Variants in ASIC2 observed in about 807,000 individuals in gnomAD.
ASIC2 encodes the protein acid sensing ion channel subunit 2.
A neutral mutation model predicts 57.3 loss-of-function variants in ASIC2; 25 were observed. The ratio of observed to expected loss-of-function variants is 0.44; its 90% CI spans 0.32 to 0.61. The LOEUF (loss-of-function observed/expected upper bound fraction) is 0.61. Ranked by LOEUF, ASIC2 falls within the 20% of genes least tolerant of loss-of-function variation. The probability of loss-of-function intolerance (pLI) is 0.06; values close to 1 mark genes in which losing one functional copy is unlikely to be tolerated. For missense variants in ASIC2, 641 were observed against 738.1 expected, an observed-to-expected ratio of 0.87 and a Z score of 1.52; for synonymous variants, 319 against 307.5, an observed-to-expected ratio of 1.04 and a Z score of -0.39.
rs1913310123 is a variant in ASIC2 at position 33,837,538 on chromosome 17, T to G, written c.555+318440A>C. 2.0e-5 allele frequency among the ~76,000 whole-genome samples: 3 copies of G among 152,212 alleles called. No individual in the cohort carries two copies. In the South Asian group the frequency reaches 6.2e-4, roughly 32 times the overall value. ...CCCATAAATGTTCTCCTAAATGTGC[T>G]AATTAAGACCTAGATCCAGTGCTTC... On this transcript the variant is annotated intron_variant, in intron 1 of 9. Coordinates refer to the ASIC2 transcript ENST00000359872.
At chr17:33,884,608 C>CCCT (rs1914782984) in intron 1 of ASIC2, among the ~76,000 whole-genome samples, 1 of 152,032 alleles carries the variant, frequency 6.6e-6, no homozygotes, top group Non-Finnish European at 1.5e-5. Context: ...CCCTCTCTAT[C>CCCT]CCTCCTGCTC....
intron 1 of ASIC2, among the ~76,000 whole-genome samples, chr17:33,212,162 G>A (rs1397963176): frequency 6.6e-6 from 1 of 152,160 alleles, no homozygotes; most frequent in African/African-American, 2.4e-5. Context: ...AGATATCCAC[G>A]TCCTAATCCC....
intron 3 of ASIC2, among the ~76,000 whole-genome samples, chr17:33,063,209 G>A (rs538158128): frequency 4.6e-5 from 7 of 152,306 alleles, no homozygotes; most frequent in African/African-American, 1.7e-4. Flanking sequence ...TCATTATGAT[G>A]TTAGCTGCTT....
chr17:33,480,743 G>A (rs564695389), intron 1 of ASIC2, among the ~76,000 whole-genome samples: 81 of 152,100 alleles, frequency 5.3e-4, no homozygotes, highest in South Asian at 1.7e-3. Flanking sequence ...CCATCCTCCC[G>A]AAGGACTGTA....
At chr17:33,291,290 G>C in intron 1 of ASIC2, 118 bp downstream of exon 1, 5 of 1,435,246 alleles carry the variant, frequency 3.5e-6, no homozygotes, top group South Asian at 1.5e-5. Context: ...CCTTGGCATC[G>C]TGGAGTGGTA....
chr17:33,295,387 A>G (rs142669650), upstream of ASIC2, among the ~76,000 whole-genome samples: 198 of 152,310 alleles, frequency 1.3e-3, 1 homozygote, highest in Non-Finnish European at 1.7e-3. Context: ...TATGCAGCAC[A>G]TTCTCTATGC....
Position 33,406,428 on chromosome 17 carries a change from T to A in ASIC2, c.556-294361A>T, listed in dbSNP as rs73983124. 3.2e-3 allele frequency among the ~76,000 whole-genome samples: 490 copies of A among 152,256 alleles called. 7 individuals carry two copies. Among genetic ancestry groups the A allele is most frequent in the African/African-American group, 0.011 (460 of 41,534 alleles). On this transcript the variant is annotated intron_variant, in intron 1 of 9. Transcript: ENST00000359872. ...CAAGTCTTATTTGTACAAGACTGAG[T>A]TTTCCTCAAGGTTCTGATTGCTCTT...
At chr17:34,133,749 A>T (rs1912057835) in intron 1 of ASIC2, among the ~76,000 whole-genome samples, 1 of 152,232 alleles carries the variant, frequency 6.6e-6, no homozygotes. Context: ...TTTACACCTA[A>T]GGTCAACTAA....
At chr17:34,028,975 A>C (rs1371383481) in intron 1 of ASIC2, among the ~76,000 whole-genome samples, 1 of 152,072 alleles carries the variant, frequency 6.6e-6, no homozygotes, top group Admixed American at 6.5e-5. Flanking sequence ...CATTGCCTGG[A>C]ATACTCTTCT....
intron 1 of ASIC2, among the ~76,000 whole-genome samples, chr17:33,529,256 G>A (rs989571468): frequency 1.2e-4 from 19 of 152,126 alleles, no homozygotes; most frequent in Non-Finnish European, 2.6e-4. Context: ...AGTGATGCCC[G>A]AGCCCCACTT....
At chr17:34,084,608 A>T (rs1910026868) in intron 1 of ASIC2, among the ~76,000 whole-genome samples, 1 of 152,176 alleles carries the variant, frequency 6.6e-6, no homozygotes, top group Admixed American at 6.5e-5. Context: ...TGAGGATGGC[A>T]TTGAATCTAT....
chr17:33,522,461 T>C (rs1567638563), intron 1 of ASIC2, among the ~76,000 whole-genome samples: 1 of 152,108 alleles, frequency 6.6e-6, no homozygotes, highest in Non-Finnish European at 1.5e-5. Flanking sequence ...TTGGCAGTAG[T>C]TCTGACCATG....
intron 6 of ASIC2, among the ~76,000 whole-genome samples, chr17:33,023,518 C>CT (rs2091846766): frequency 6.6e-6 from 1 of 151,832 alleles, no homozygotes; most frequent in African/African-American, 2.4e-5. Flanking sequence ...AAAAAATTCT[C>CT]TGAAGCTTTC....
chr17:34,016,179 C>T (rs1224514194), intron 1 of ASIC2, among the ~76,000 whole-genome samples: 2 of 151,978 alleles, frequency 1.3e-5, no homozygotes, highest in Admixed American at 1.3e-4. Context: ...AATCCCAGCA[C>T]TTTGGGAGGC....
intron 1 of ASIC2, chr17:34,005,815 G>A (rs1258770358): frequency 1.3e-5 from 2 of 152,196 alleles, no homozygotes; most frequent in African/African-American, 2.4e-5. Context: ...ACATCTACTG[G>A]AGAAAAGATC....
intron 1 of ASIC2, among the ~76,000 whole-genome samples, chr17:33,727,036 G>C (rs2142087903): frequency 6.6e-6 from 1 of 152,296 alleles, no homozygotes; most frequent in Non-Finnish European, 1.5e-5. Flanking sequence ...GAATCTCCTA[G>C]AAGGTTTTGG....
intron 1 of ASIC2, among the ~76,000 whole-genome samples, chr17:33,498,061 T>G (rs545042868): frequency 6.6e-6 from 1 of 152,302 alleles, no homozygotes; most frequent in South Asian, 2.1e-4. Context: ...TGAAGAAGGA[T>G]GTGTGCTGTG....
intron 1 of ASIC2, among the ~76,000 whole-genome samples, chr17:33,196,737 G>A (rs1906645049): frequency 6.6e-6 from 1 of 152,186 alleles, no homozygotes; most frequent in Non-Finnish European, 1.5e-5. Flanking sequence ...CTGTGGAAGA[G>A]GCTAAAATTC....
At chr17:33,801,744 T>C (rs1340837499) in intron 1 of ASIC2, among the ~76,000 whole-genome samples, 1 of 152,198 alleles carries the variant, frequency 6.6e-6, no homozygotes, top group Non-Finnish European at 1.5e-5. Context: ...TAGCACCTGG[T>C]TAAATATGAC....
Sources: allele counts gnomAD v4.1 joint callset (sites outside exome capture counted in the v4.1 genomes callset), GRCh38; gene constraint gnomAD v4.1.1; transcripts MANE v1.5; gene names NCBI Gene and HGNC (gene_info 2026-07-23, HGNC 2026-07-21).